Variants in KCNAB2 observed in about 807,000 individuals in gnomAD.
KCNAB2 encodes voltage-gated potassium channel subunit beta-2.
A neutral mutation model predicts 63.6 loss-of-function variants in KCNAB2; 29 were observed. The ratio of observed to expected loss-of-function variants is 0.46; its 90% confidence interval spans 0.34 to 0.62. The LOEUF (loss-of-function observed/expected upper bound fraction) is 0.62, where lower values mean the gene tolerates loss of function less well. Ranked by LOEUF, KCNAB2 falls within the 20% of genes least tolerant of loss-of-function variation. KCNAB2 has a pLI of 0.01. For missense variants in KCNAB2, 359 were observed against 563.9 expected (o/e 0.64, Z 3.68); for synonymous variants, 222 against 224.2 (o/e 0.99, Z 0.09).
upstream of KCNAB2, chr1:6,034,176 G>A (rs1334333495): frequency 6.6e-6 from 1 of 152,298 alleles, no homozygotes; most frequent in Non-Finnish European, 1.5e-5. Context: ...GGCTCCACAG[G>A]GATTGGCTCC....
rs554155210 is a variant in KCNAB2, at chr1:6,073,512, C to T, written c.263-221C>T. On this transcript the variant is annotated intron_variant, in intron 3 of 15. Coordinates refer to ENST00000378083, the MANE Select transcript of KCNAB2 (RefSeq NM_001199862.2). The surrounding 1 kb of genome is among the most constrained non-coding windows in gnomAD (Gnocchi z 5.7). ...CCTCCTGGACCCATAGCCAGCAGCCCGCTCTAGAGACTTTTGTCCCCTCAG... is the reference window on the plus strand; with the variant it reads ...CCTCCTGGACCCATAGCCAGCAGCCTGCTCTAGAGACTTTTGTCCCCTCAG... Among the ~76,000 whole-genome samples the T allele has an allele frequency of 2.0e-5, 3 of 152,314 alleles. No individual in the cohort carries two copies. Among genetic ancestry groups the T allele is most frequent in the South Asian group, 4.1e-4 (2 of 4,830 alleles).
chr1:6,051,172 G>C (rs529837022), intron 1 of KCNAB2, among the ~76,000 whole-genome samples: 1 of 152,332 alleles, frequency 6.6e-6, no homozygotes, highest in African/African-American at 2.4e-5. Flanking sequence ...GGGGGGCTCA[G>C]GCTCTGCATG....
intron 1 of KCNAB2, among the ~76,000 whole-genome samples, chr1:6,019,416 C>T (rs184339776): frequency 8.1e-4 from 124 of 152,332 alleles, no homozygotes; most frequent in Non-Finnish European, 1.4e-3. Context: ...AGGAGGGAAG[C>T]CGTCACACTG....
Position 6,090,378 on chromosome 1 carries a change from T to C in KCNAB2, c.515-11T>C. On this transcript the variant is annotated splice_polypyrimidine_tract_variant and intron_variant, in intron 8 of 15. Transcript: ENST00000378083. ...ACAGCAGTGACGCCCCCCCACCTGG[T>C]CCTCCCCCAGGTCTGAAAGCTTCCC... The C allele has an allele frequency of 1.2e-6, 2 of 1,603,678 alleles. No homozygotes were observed. Among genetic ancestry groups the C allele is most frequent in the Non-Finnish European group, 1.7e-6 (2 of 1,170,964 alleles).
At chr1:6,072,671 G>A in intron 2 of KCNAB2, 84 bp from the exon 3 acceptor site, 7 of 1,425,246 alleles carry the variant, frequency 4.9e-6, no homozygotes, top group South Asian at 2.3e-5. Flanking sequence ...GGGAGTGGGT[G>A]GGGGGCTGGC....
Position 6,009,418 on chromosome 1 carries a change from CAT to C in KCNAB2, c.-53+16633_-53+16634del, listed in dbSNP as rs961188662. ...GTGCGTGTATGTGTGCACACGTGTG[CAT>C]ATGTGTATGCACACACCTGCACACA... On this transcript the variant is annotated intron_variant, in intron 1 of 16. Transcript: ENST00000341524. 1.0e-3 allele frequency among the ~76,000 whole-genome samples: 152 copies of C among 152,294 alleles called. 1 individual carries two copies. The highest frequency in any genetic ancestry group is 3.6e-3 in the African/African-American group (149 of 41,586).
At chr1:6,042,230 A>G (rs998129730), upstream of KCNAB2, among the ~76,000 whole-genome samples, 3 of 152,168 alleles carry the variant, frequency 2.0e-5, no homozygotes, top group East Asian at 1.9e-4. Context: ...TGCTTCCATT[A>G]TCAGAGTACA....
At chr1:6,061,396 C>T (rs536290615) in intron 2 of KCNAB2, among the ~76,000 whole-genome samples, 2 of 152,178 alleles carry the variant, frequency 1.3e-5, no homozygotes, top group South Asian at 2.1e-4. Flanking sequence ...ATCCCAGCAC[C>T]GGGCCGGGCG....
Position 6,086,462 on chromosome 1 carries a change from T to G in KCNAB2, c.426-1005T>G. ...TGACGCTGCCTCTGCCAGAGCTCTG[T>G]GGCCGATGCTTCGGGGCAGAGGAGG... On this transcript the variant is annotated intron_variant, in intron 6 of 15. Coordinates refer to ENST00000378083, the MANE Select transcript of KCNAB2 (RefSeq NM_001199862.2). This position sits in a 1 kb window ranked among gnomAD's most constrained non-coding sequence, Gnocchi z 4.2. 6.1e-6 allele frequency: 5 copies of G among 820,628 alleles called. No individual in the cohort carries two copies. The highest frequency in any genetic ancestry group is 7.4e-6 in the Non-Finnish European group (5 of 679,628). 50.8% of individuals were successfully genotyped at this position (820,628 alleles called of 1,614,324 possible).
intron 2 of KCNAB2, among the ~76,000 whole-genome samples, chr1:6,055,676 T>C (rs1167967720): frequency 6.6e-6 from 1 of 151,976 alleles, no homozygotes; most frequent in Non-Finnish European, 1.5e-5. Context: ...CTTTAGCAGT[T>C]GATGGGCCAG....
rs940814046 is a variant in KCNAB2, at chr1:6,003,851, A to G, written c.-53+11063A>G. The stretch of plus-strand genomic sequence containing the variant: ...AGAGGCATGGCTGGCCCCAGCTTGC[A>G]GCGGTCGCTTCTGCATCTCTTTTTA... On this transcript the variant is annotated intron_variant, in intron 1 of 16. Transcript: ENST00000341524. This position sits in a 1 kb window ranked among gnomAD's most constrained non-coding sequence, Gnocchi z 4.1. 1.3e-5 allele frequency among the ~76,000 whole-genome samples: 2 copies of G among 152,214 alleles called. No homozygotes were observed. Among genetic ancestry groups the G allele is most frequent in the Non-Finnish European group, 2.9e-5 (2 of 68,042 alleles).
At position 6,091,252 on chromosome 1, in the gene KCNAB2, T is replaced by C. The variant is rs1383948487; in HGVS notation, c.602-11T>C. The C allele has an allele frequency of 6.5e-7, 1 of 1,530,012 alleles. No homozygotes were observed. Among genetic ancestry groups the C allele is most frequent in the East Asian group, 2.4e-5 (1 of 40,880 alleles). The allele number at this position is 1,530,012 out of a possible 1,614,324, so 94.8% of individuals were successfully genotyped here. A position where few individuals can be genotyped will look rare whatever the true frequency, so the allele number is the denominator to read the frequency against. On this transcript the variant is annotated splice_polypyrimidine_tract_variant and intron_variant, in intron 9 of 15. Transcript: ENST00000378083. ...AACTCTGGTCTCTTTAAATCTTTCT[T>C]CTATCACCAGGGGACCCATTTAGTT...
At chr1:6,068,578 G>A (rs1374653524) in intron 2 of KCNAB2, among the ~76,000 whole-genome samples, 1 of 152,190 alleles carries the variant, frequency 6.6e-6, no homozygotes, top group African/African-American at 2.4e-5. Context: ...AGCCCTGTAG[G>A]ATGAGGTGCA....
At chr1:6,091,696 G>A (rs1220964577) in intron 10 of KCNAB2, among the ~76,000 whole-genome samples, 1 of 152,080 alleles carries the variant, frequency 6.6e-6, no homozygotes, top group Non-Finnish European at 1.5e-5. Flanking sequence ...AAGCCATCAG[G>A]GACCCCAAAA....
At chr1:6,041,926 G>A, upstream of KCNAB2, 10 of 1,525,708 alleles carry the variant, frequency 6.6e-6, no homozygotes, top group South Asian at 1.1e-4. Context: ...CAGGGAGCGG[G>A]TGGGAGGACT....
intron 1 of KCNAB2, among the ~76,000 whole-genome samples, chr1:5,998,189 G>C (rs895294257): frequency 6.6e-6 from 1 of 152,254 alleles, no homozygotes; most frequent in African/African-American, 2.4e-5. Flanking sequence ...TCACAGGCTA[G>C]GGCATGAATA....
Position 6,094,441 on chromosome 1 carries a change from G to A in KCNAB2, c.688G>A (p.Ala230Thr), listed in dbSNP as rs1322567374. Residue 230 changes from alanine (A) to threonine (T), a missense_variant, in exon 11 of 16, where the codon GCC (alanine) becomes ACC (threonine). Around this residue, in one of 2 missense-constraint regions of KCNAB2, gnomAD observed 271 missense variants for 476.1 expected, o/e 0.57. Transcript: ENST00000378083. Reference sequence around the variant, plus strand: ...GACCCACGTCATCAACCAGGGGATGGCCATGTACTGGGGCACGTCACGCTG... The same window carrying A: ...GACCCACGTCATCAACCAGGGGATGACCATGTACTGGGGCACGTCACGCTG... ...AMTHVINQGM[A>T]MYWGTSRWSS... The A allele has an allele frequency of 6.2e-7, 1 of 1,611,818 alleles. No homozygotes were observed. The highest frequency in any genetic ancestry group is 8.5e-7 in the Non-Finnish European group (1 of 1,179,522).
chr1:6,057,368 A>T (rs1188496285), intron 2 of KCNAB2, among the ~76,000 whole-genome samples: 1 of 152,126 alleles, frequency 6.6e-6, no homozygotes, highest in Non-Finnish European at 1.5e-5. Context: ...AGTTAACCAT[A>T]GGCCATCACT....
At chr1:6,093,961 C>G (rs1665405549) in intron 10 of KCNAB2, among the ~76,000 whole-genome samples, 1 of 152,184 alleles carries the variant, frequency 6.6e-6, no homozygotes, top group Non-Finnish European at 1.5e-5. Context: ...AAACACATGT[C>G]CCTCCTGCCG....
Sources: gnomAD v4.1 joint callset for allele counts (sites outside exome capture counted in the v4.1 genomes callset) on GRCh38, gnomAD v4.1.1 for gene constraint, gnomAD v4.1.1 regional missense constraint, Gnocchi (gnomAD v3.1) non-coding constraint, MANE v1.5 for transcripts, NCBI Gene and HGNC (gene_info 2026-07-23, HGNC 2026-07-21) for gene names.